Variants in NOTCH2NLR observed in about 807,000 individuals in gnomAD.
NOTCH2NLR encodes the protein notch 2 N-terminal like R (pseudogene).
In NOTCH2NLR, 33 loss-of-function variants were observed where a neutral mutation model predicts 35.6. That is an observed-to-expected ratio of 0.93 (90% confidence interval 0.70 to 1.24). The LOEUF is 1.24. Ranked by LOEUF, NOTCH2NLR falls within the 50% of genes most tolerant of loss-of-function variation. The pLI, the probability that NOTCH2NLR is intolerant of heterozygous loss-of-function variation, is 0.00. For missense variants in NOTCH2NLR, 276 were observed against 362.2 expected (o/e 0.76, Z 1.93); for synonymous variants, 103 against 141.0 (o/e 0.73, Z 1.91).
Position 120,758,655 on chromosome 1 carries a change from A to C in NOTCH2NLR, c.74-4973A>C, listed in dbSNP as rs1466498821. ...AAACAGCTGAGTAGTTTACTCTCCT[A>C]CTTAGAGCTGTGATTCTTATCATGG... On this transcript the variant is annotated intron_variant, in intron 1 of 4. Coordinates refer to ENST00000624419, the Ensembl canonical transcript of NOTCH2NLR. Among the ~76,000 whole-genome samples the C allele has an allele frequency of 3.5e-5, 3 of 86,762 alleles. 1 individual carries two copies. Among genetic ancestry groups the C allele is most frequent in the African/African-American group, 1.8e-4 (2 of 11,326 alleles). 56.9% of individuals were successfully genotyped at this position (86,762 alleles called of 152,430 possible).
In NOTCH2NLR at chr1:120,767,622, C is replaced by A; in HGVS notation, c.155+3913C>A. 2.3e-5 allele frequency among the ~76,000 whole-genome samples: 2 copies of A among 87,892 alleles called. 1 individual carries two copies. Among genetic ancestry groups the A allele is most frequent in the Admixed American group, 2.3e-4 (2 of 8,536 alleles). The allele number at this position is 87,892 out of a possible 152,430, so 57.7% of individuals were successfully genotyped here. A position where few individuals can be genotyped will look rare whatever the true frequency, so the allele number is the denominator to read the frequency against. ...TGCTGTTAAATAACTACTGTCAAATCTTAATAAAGCCCTCTCACTACAGGG... is the reference window on the plus strand; with the variant it reads ...TGCTGTTAAATAACTACTGTCAAATATTAATAAAGCCCTCTCACTACAGGG... On this transcript the variant is annotated intron_variant, in intron 2 of 4. Transcript: ENST00000624419.
chr1:120,734,440 C>T (rs1253824035), intron 1 of NOTCH2NLR, among the ~76,000 whole-genome samples: 4 of 81,828 alleles, frequency 4.9e-5, no homozygotes, highest in Non-Finnish European at 6.8e-5. Flanking sequence ...GTTCAGAAAA[C>T]GCCAGTTAGA....
chr1:120,727,790 T>G (rs1650831592), intron 1 of NOTCH2NLR, among the ~76,000 whole-genome samples: 1 of 118,146 alleles, frequency 8.5e-6, no homozygotes, highest in Non-Finnish European at 1.6e-5. Flanking sequence ...GCTTTCCTGA[T>G]TTTCCTGTTT....
intron 2 of NOTCH2NLR, among the ~76,000 whole-genome samples, chr1:120,764,050 C>G (rs1297983247): frequency 8.9e-6 from 1 of 112,688 alleles, no homozygotes; most frequent in East Asian, 2.2e-4. Context: ...AGTTCAAGAT[C>G]AGCCTGGCCA....
chr1:120,728,660 G>T (rs1650841875), intron 1 of NOTCH2NLR, among the ~76,000 whole-genome samples: 1 of 115,826 alleles, frequency 8.6e-6, no homozygotes, highest in Admixed American at 8.2e-5. Context: ...ATCATTTTGG[G>T]GACTAGTCAT....
rs1281681891 is a variant in NOTCH2NLR at position 120,729,031 on chromosome 1, C to G, written c.73+4781C>G. On this transcript the variant is annotated intron_variant, in intron 1 of 4. Transcript: ENST00000624419. ...CCCAAATTCAGAGTCAACTGAGTGGCAGGTCTTAGTCACAGCATCTATGAC... is the reference window on the plus strand; with the variant it reads ...CCCAAATTCAGAGTCAACTGAGTGGGAGGTCTTAGTCACAGCATCTATGAC... Among the ~76,000 whole-genome samples the G allele has an allele frequency of 3.4e-5, 4 of 116,304 alleles. No homozygotes were observed. The East Asian group carries it at 8.5e-4, about 25-fold the overall frequency. 76.3% of individuals were successfully genotyped at this position (116,304 alleles called of 152,430 possible).
At chr1:120,792,981 G>GA (rs1289600527) in intron 3 of NOTCH2NLR, among the ~76,000 whole-genome samples, 180 bp from the exon 4 acceptor site, 1 of 87,102 alleles carries the variant, frequency 1.1e-5, no homozygotes, top group African/African-American at 8.5e-5. Context: ...GGTCCTTGGA[G>GA]AGTTACTGGA....
intron 2 of NOTCH2NLR, among the ~76,000 whole-genome samples, chr1:120,770,733 A>T (rs1651254389): frequency 8.4e-6 from 1 of 118,988 alleles, no homozygotes; most frequent in African/African-American, 4.8e-5. Context: ...ATGTACTGTC[A>T]CCTTGAGTCT....
intron 2 of NOTCH2NLR, among the ~76,000 whole-genome samples, chr1:120,771,959 AAC>A (rs1286287441): frequency 3.5e-4 from 1 of 2,872 alleles, no homozygotes; most frequent in Non-Finnish European, 6.0e-4. Flanking sequence ...GGTTTCTTTC[AAC>A]ACAGTCTCCA....
intron 3 of NOTCH2NLR, among the ~76,000 whole-genome samples, chr1:120,790,283 G>A (rs1317533662): frequency 9.1e-6 from 1 of 109,912 alleles, no homozygotes; most frequent in Non-Finnish European, 1.7e-5. Context: ...CAAAGTGCTG[G>A]GATTACAGGT....
rs1177574510 is a variant in NOTCH2NLR at position 120,756,088 on chromosome 1, C to T, written c.74-7540C>T. Among the ~76,000 whole-genome samples, 4 of 113,824 alleles carry T rather than the reference C, an allele frequency of 3.5e-5. 1 individual carries two copies. The highest frequency in any genetic ancestry group is 1.7e-4 in the Admixed American group (2 of 11,774). The allele number at this position is 113,824 out of a possible 152,430, so 74.7% of individuals were successfully genotyped here. On this transcript the variant is annotated intron_variant, in intron 1 of 4. Coordinates refer to ENST00000624419, the Ensembl canonical transcript of NOTCH2NLR. ...TTGGATTTTTTTTTCATGGCTTGAT[C>T]CCAAAAAATGGAACACAAAATTTAG...
rs1167761873 is a variant in NOTCH2NLR, at chr1:120,723,985, C to T, written c.-193C>T. ...GGCGGCTGAGGCGGCGGCCGAGGAG[C>T]GGCGGACTCGGGGCGCGGGGAGTCG... On this transcript the variant is annotated 5_prime_UTR_variant, in exon 1 of 5. Coordinates refer to ENST00000624419, the Ensembl canonical transcript of NOTCH2NLR. 167 of 1,177,104 alleles carry T rather than the reference C, an allele frequency of 1.4e-4. 40 individuals carry two copies. The highest frequency in any genetic ancestry group is 4.0e-4 in the Admixed American group (9 of 22,760). The allele number at this position is 1,177,104 out of a possible 1,614,324, so 72.9% of individuals were successfully genotyped here. A position where few individuals can be genotyped will look rare whatever the true frequency, so the allele number is the denominator to read the frequency against.
chr1:120,735,341 A>G lies in NOTCH2NLR; in HGVS notation c.73+11091A>G, dbSNP rs1397221829. On this transcript the variant is annotated intron_variant, in intron 1 of 4. Coordinates refer to ENST00000624419, the Ensembl canonical transcript of NOTCH2NLR. The stretch of plus-strand genomic sequence containing the variant: ...CAGCCTCCCAAAGTGCTGGGATTAC[A>G]GGCGTGAGCCACCGTGCCTGGTCCT... Among the ~76,000 whole-genome samples, 2 of 82,872 alleles carry G rather than the reference A, an allele frequency of 2.4e-5. 1 individual carries two copies. The allele number at this position is 82,872 out of a possible 152,430, so 54.4% of individuals were successfully genotyped here. A position where few individuals can be genotyped will look rare whatever the true frequency, so the allele number is the denominator to read the frequency against.
At chr1:120,794,461 G>A (rs1247418519), downstream of NOTCH2NLR, among the ~76,000 whole-genome samples, 8 of 115,384 alleles carry the variant, frequency 6.9e-5, 3 homozygotes, top group Non-Finnish European at 1.2e-4. Context: ...ACTGTAGGAG[G>A]GAGTAATGTG....
At chr1:120,730,731 G>A (rs1422137310) in intron 1 of NOTCH2NLR, among the ~76,000 whole-genome samples, 1 of 56,596 alleles carries the variant, frequency 1.8e-5, no homozygotes, top group Non-Finnish European at 3.0e-5. Context: ...TTATTAATTT[G>A]TGTATGTAAA....
intron 2 of NOTCH2NLR, among the ~76,000 whole-genome samples, chr1:120,764,327 C>T (rs1319974931): frequency 9.7e-6 from 1 of 103,572 alleles, no homozygotes; most frequent in Non-Finnish European, 1.8e-5. Flanking sequence ...CTCTTAGAGT[C>T]TCCCCTTAAC....
In NOTCH2NLR at chr1:120,770,263, G is replaced by A. The variant is rs1213509299; in HGVS notation, c.155+6554G>A. On this transcript the variant is annotated intron_variant, in intron 2 of 4. Coordinates refer to ENST00000624419, the Ensembl canonical transcript of NOTCH2NLR. Reference sequence around the variant, plus strand: ...TGGCTCACTGCAAGCTCCGCCTCCCGGGTTCATGCCATTCTCCTGCCTCAG... The same window carrying A: ...TGGCTCACTGCAAGCTCCGCCTCCCAGGTTCATGCCATTCTCCTGCCTCAG... 8.7e-4 allele frequency among the ~76,000 whole-genome samples: 91 copies of A among 105,196 alleles called. 19 individuals carry two copies. The highest frequency in any genetic ancestry group is 2.0e-3 in the South Asian group (7 of 3,496). The allele number at this position is 105,196 out of a possible 152,430, so 69.0% of individuals were successfully genotyped here.
rs1650820893 is a variant in NOTCH2NLR, at chr1:120,726,885, C to T, written c.73+2635C>T. On this transcript the variant is annotated intron_variant, in intron 1 of 4. Coordinates refer to ENST00000624419, the Ensembl canonical transcript of NOTCH2NLR. ...GCTCCATTCCCACCCTACTGCCTCT[C>T]CTGTAGGCTTCTATGACATAGAGGA... is the stretch of plus-strand genomic sequence containing the variant. 2.6e-5 allele frequency among the ~76,000 whole-genome samples: 3 copies of T among 114,612 alleles called. 1 individual carries two copies. In the South Asian group the frequency reaches 7.6e-4, roughly 29 times the overall value. The allele number at this position is 114,612 out of a possible 152,430, so 75.2% of individuals were successfully genotyped here.
rs1402920647 is a variant in NOTCH2NLR at position 120,754,735 on chromosome 1, C to T, written c.74-8893C>T. On this transcript the variant is annotated intron_variant, in intron 1 of 4. Coordinates refer to ENST00000624419, the Ensembl canonical transcript of NOTCH2NLR. ...CACATGGCTTAAGATTTATAGGAGG[C>T]TAAGAGTGGAGAGTGTATCTTCCTT... Among the ~76,000 whole-genome samples the T allele has an allele frequency of 4.4e-4, 51 of 115,112 alleles. 12 individuals carry two copies. Among genetic ancestry groups the T allele is most frequent in the East Asian group, 4.3e-4 (2 of 4,668 alleles). 75.5% of individuals were successfully genotyped at this position (115,112 alleles called of 152,430 possible).
Sources: allele counts gnomAD v4.1 joint callset (sites outside exome capture counted in the v4.1 genomes callset), GRCh38; gene constraint gnomAD v4.1.1; transcripts MANE v1.5; gene names NCBI Gene and HGNC (gene_info 2026-07-23, HGNC 2026-07-21).